Variants in CGNL1 observed in about 807,000 individuals in gnomAD.
CGNL1 encodes the protein cingulin-like protein 1.
CGNL1 carries 132 observed loss-of-function variants against 141.2 expected under a neutral mutation model. The observed-to-expected ratio is 0.93, with a 90% CI of 0.81 to 1.08. The LOEUF (loss-of-function observed/expected upper bound fraction) is 1.08. Ranked by LOEUF, CGNL1 falls within the 50% of genes least tolerant of loss-of-function variation. The pLI is 0.00. For missense variants in CGNL1, 1,870 were observed against 1,588.6 expected (o/e 1.18, Z -3.01); for synonymous variants, 690 against 622.1 (o/e 1.11, Z -1.63).
At chr15:57,383,299 T>TTTTTTTTG (rs66786635) in intron 1 of CGNL1, among the ~76,000 whole-genome samples, 21 of 96,096 alleles carry the variant, frequency 2.2e-4, no homozygotes, top group Admixed American at 3.8e-4. Flanking sequence ...TTCCTTTTTT[T>TTTTTTTTG]TTTTTTGTTT....
chr15:57,545,491 C>T, intron 16 of CGNL1, 101 bp from the exon 17 acceptor site: 2 of 1,001,374 alleles, frequency 2.0e-6, no homozygotes, highest in Non-Finnish European at 3.0e-6. Flanking sequence ...TTGAGCTGAC[C>T]AGGCACCCCT....
intron 1 of CGNL1, among the ~76,000 whole-genome samples, chr15:57,382,205 C>A (rs2062432495): frequency 6.6e-6 from 1 of 152,146 alleles, no homozygotes. Context: ...GGCTTAGAGG[C>A]CATATGGAGT....
chr15:57,390,116 C>T (rs758957597), intron 1 of CGNL1, among the ~76,000 whole-genome samples: 18 of 152,186 alleles, frequency 1.2e-4, no homozygotes, highest in Non-Finnish European at 2.1e-4. Context: ...GCACCTGGCC[C>T]CAGATCCCAG....
chr15:57,423,906 G>A (rs144088356), intron 1 of CGNL1, among the ~76,000 whole-genome samples: 294 of 152,274 alleles, frequency 1.9e-3, no homozygotes, highest in African/African-American at 6.5e-3. Context: ...CTGTTGCTGC[G>A]GGGCTGCAGA....
intron 1 of CGNL1, among the ~76,000 whole-genome samples, chr15:57,387,689 G>T (rs938830947): frequency 6.6e-6 from 1 of 152,160 alleles, no homozygotes; most frequent in Non-Finnish European, 1.5e-5. Flanking sequence ...ATGAGAAGTG[G>T]CCCTCAATTA....
At chr15:57,402,997 C>T (rs1567095219) in intron 1 of CGNL1, among the ~76,000 whole-genome samples, 1 of 152,160 alleles carries the variant, frequency 6.6e-6, no homozygotes, top group East Asian at 1.9e-4. Flanking sequence ...GGGCACTTTT[C>T]TGAATCTCCT....
intron 10 of CGNL1, among the ~76,000 whole-genome samples, chr15:57,519,939 T>C (rs2031132675): frequency 1.3e-5 from 2 of 152,232 alleles, no homozygotes; most frequent in Non-Finnish European, 2.9e-5. Flanking sequence ...GCGCTCATAG[T>C]GAATTCAGTG....
At chr15:57,419,916 A>T (rs1464633138) in intron 1 of CGNL1, among the ~76,000 whole-genome samples, 1 of 152,218 alleles carries the variant, frequency 6.6e-6, no homozygotes, top group Non-Finnish European at 1.5e-5. Context: ...GGAATTCTGC[A>T]TGGGTGAGTT....
At chr15:57,382,462 C>T (rs1257219400) in intron 1 of CGNL1, among the ~76,000 whole-genome samples, 1 of 152,170 alleles carries the variant, frequency 6.6e-6, no homozygotes, top group Non-Finnish European at 1.5e-5. Flanking sequence ...TTCCCTGCTG[C>T]CCAATCACAG....
intron 6 of CGNL1, among the ~76,000 whole-genome samples, chr15:57,453,362 TTC>T (rs1257780280): frequency 6.6e-6 from 1 of 152,202 alleles, no homozygotes; most frequent in African/African-American, 2.4e-5. Flanking sequence ...TGGGAAATTT[TTC>T]TGTTTCATTT....
At chr15:57,546,851 T>G (rs1666572) in intron 18 of CGNL1, among the ~76,000 whole-genome samples, 39,273 of 151,902 alleles carry the variant, frequency 0.26, 5,569 homozygotes, top group African/African-American at 0.38. Flanking sequence ...GTGGGGCTCT[T>G]TGCTGGCTGC....
intron 8 of CGNL1, among the ~76,000 whole-genome samples, chr15:57,513,877 C>T (rs1396814397): frequency 3.9e-5 from 6 of 152,076 alleles, no homozygotes; most frequent in Non-Finnish European, 7.4e-5. Flanking sequence ...TAGGTCCTAC[C>T]GTAACTCTGT....
chr15:57,418,149 C>T (rs2062870563), intron 1 of CGNL1, among the ~76,000 whole-genome samples: 1 of 151,960 alleles, frequency 6.6e-6, no homozygotes, highest in African/African-American at 2.4e-5. Flanking sequence ...GAGGAGGCTT[C>T]TTGTCTGTGG....
intron 8 of CGNL1, among the ~76,000 whole-genome samples, chr15:57,465,243 A>G (rs1259835724): frequency 2.6e-5 from 4 of 152,170 alleles, no homozygotes; most frequent in African/African-American, 7.2e-5. Flanking sequence ...CATTAAGATT[A>G]TTAAATATTT....
rs1201843318 is a variant in CGNL1, at chr15:57,549,227, G to A, written c.*1737G>A. 1 of 152,338 alleles carries A rather than the reference G, an allele frequency of 6.6e-6. No individual in the cohort carries two copies. Among genetic ancestry groups the A allele is most frequent in the Non-Finnish European group, 1.5e-5 (1 of 68,124 alleles). 9.4% of individuals were successfully genotyped at this position (152,338 alleles called of 1,614,324 possible). A position where few individuals can be genotyped will look rare whatever the true frequency, so the allele number is the denominator to read the frequency against. ...TGCCCACAGGCCAGGCCCAGTCACA[G>A]CTGGGCTTCCACAGGTCAGAATATG... On this transcript the variant is annotated 3_prime_UTR_variant, in exon 19 of 19. Coordinates refer to ENST00000281282, the MANE Select transcript of CGNL1 (RefSeq NM_032866.5).
At chr15:57,456,921 G>A (rs1037070543) in intron 7 of CGNL1, among the ~76,000 whole-genome samples, 50 of 152,292 alleles carry the variant, frequency 3.3e-4, no homozygotes, top group African/African-American at 1.2e-3. Context: ...AATTGTAGTG[G>A]TTTGAGGAGA....
At chr15:57,386,317 C>T (rs565889174) in intron 1 of CGNL1, among the ~76,000 whole-genome samples, 18 of 152,270 alleles carry the variant, frequency 1.2e-4, no homozygotes, top group African/African-American at 3.4e-4. Flanking sequence ...AATTGTGTCA[C>T]CCTCCCATCT....
At chr15:57,501,441 G>A (rs2064023009) in intron 8 of CGNL1, among the ~76,000 whole-genome samples, 1 of 152,232 alleles carries the variant, frequency 6.6e-6, no homozygotes, top group African/African-American at 2.4e-5. Context: ...AGTGATGCCT[G>A]CCTAGGCAGA....
At chr15:57,538,336 G>C (rs1044892172) in intron 14 of CGNL1, among the ~76,000 whole-genome samples, 1 of 152,224 alleles carries the variant, frequency 6.6e-6, no homozygotes, top group African/African-American at 2.4e-5. Context: ...TGGACTGCCT[G>C]CTCAGGTCAC....
Sources: allele counts gnomAD v4.1 joint callset (sites outside exome capture counted in the v4.1 genomes callset), GRCh38; gene constraint gnomAD v4.1.1; transcripts MANE v1.5; gene names NCBI Gene and HGNC (gene_info 2026-07-23, HGNC 2026-07-21).